The following ITPRID1 variants were observed in gnomAD, a reference collection of about 807,000 sequenced individuals.
ITPRID1 encodes protein ITPRID1.
ITPRID1 carries 96 observed loss-of-function variants against 95.4 expected under a neutral mutation model. The ratio of observed to expected loss-of-function variants is 1.01; its 90% CI spans 0.85 to 1.19. The LOEUF (loss-of-function observed/expected upper bound fraction) is 1.19. Ranked by LOEUF, ITPRID1 falls within the 50% of genes most tolerant of loss-of-function variation. The probability of loss-of-function intolerance (pLI) is 0.00; values close to 1 mark genes in which losing one functional copy is unlikely to be tolerated. For missense variants in ITPRID1, 1,339 were observed against 1,252.9 expected, an observed-to-expected ratio of 1.07 and a Z score of -1.04; for synonymous variants, 510 against 453.6, an observed-to-expected ratio of 1.12 and a Z score of -1.58.
intron 1 of ITPRID1, among the ~76,000 whole-genome samples, chr7:31,530,901 G>T (rs1783576338): frequency 6.6e-6 from 1 of 152,164 alleles, no homozygotes; most frequent in Admixed American, 6.5e-5. Flanking sequence ...ATATCTTCTG[G>T]TTCAGACACC....
At chr7:31,570,407 A>G (rs913751667) in intron 6 of ITPRID1, among the ~76,000 whole-genome samples, 15 of 152,160 alleles carry the variant, frequency 9.9e-5, no homozygotes, top group African/African-American at 3.6e-4. Flanking sequence ...TTTTTCAGCC[A>G]CACTCTTTTA....
intron 1 of ITPRID1, among the ~76,000 whole-genome samples, chr7:31,536,992 G>A (rs978700640): frequency 3.3e-5 from 5 of 152,008 alleles, no homozygotes; most frequent in Non-Finnish European, 7.4e-5. Context: ...AGCAGATTTT[G>A]CATGCCTGAG....
At chr7:31,647,826 T>C (rs1178933221) in intron 12 of ITPRID1, among the ~76,000 whole-genome samples, 1 of 152,054 alleles carries the variant, frequency 6.6e-6, no homozygotes, top group Admixed American at 6.6e-5. Context: ...CCCCCTAATA[T>C]AGCAATATAT....
At chr7:31,613,719 C>T (rs937277327) in intron 10 of ITPRID1, among the ~76,000 whole-genome samples, 4 of 152,136 alleles carry the variant, frequency 2.6e-5, no homozygotes, top group African/African-American at 7.2e-5. Context: ...CCAGTGGCTA[C>T]GTCTATATTT....
intron 10 of ITPRID1, among the ~76,000 whole-genome samples, chr7:31,613,620 CAGAA>C (rs1786982004): frequency 6.6e-6 from 1 of 152,136 alleles, no homozygotes; most frequent in Non-Finnish European, 1.5e-5. Flanking sequence ...GAAGACAAAT[CAGAA>C]AGAAAGACAT....
At chr7:31,610,975 A>G (rs1786841532) in intron 10 of ITPRID1, among the ~76,000 whole-genome samples, 1 of 151,608 alleles carries the variant, frequency 6.6e-6, no homozygotes, top group Non-Finnish European at 1.5e-5. Flanking sequence ...TTGATAAGGT[A>G]GGATTTATGT....
intron 10 of ITPRID1, among the ~76,000 whole-genome samples, chr7:31,634,126 T>C (rs1246653276): frequency 6.6e-6 from 1 of 152,194 alleles, no homozygotes; most frequent in Non-Finnish European, 1.5e-5. Flanking sequence ...TCCCACAAAG[T>C]GCCTGAGGCG....
chr7:31,624,893 C>T (rs1173074424), intron 10 of ITPRID1, among the ~76,000 whole-genome samples: 3 of 152,100 alleles, frequency 2.0e-5, no homozygotes, highest in Non-Finnish European at 4.4e-5. Flanking sequence ...GGCTAATATC[C>T]AGAATCTACA....
intron 10 of ITPRID1, among the ~76,000 whole-genome samples, chr7:31,620,403 G>A (rs1223373564): frequency 2.6e-5 from 4 of 151,586 alleles, no homozygotes; most frequent in African/African-American, 9.7e-5. Context: ...GTACTCCTCT[G>A]AGACAAAACT....
At chr7:31,605,480 T>A (rs1043643127) in intron 10 of ITPRID1, among the ~76,000 whole-genome samples, 4 of 152,186 alleles carry the variant, frequency 2.6e-5, no homozygotes, top group Non-Finnish European at 5.9e-5. Flanking sequence ...AAATTAAAGA[T>A]CAATGGTTTG....
At chr7:31,543,421 T>C (rs1357614331) in intron 1 of ITPRID1, among the ~76,000 whole-genome samples, 3 of 152,086 alleles carry the variant, frequency 2.0e-5, no homozygotes, top group Non-Finnish European at 4.4e-5. Context: ...TTGAATATAC[T>C]CATAGCTTGC....
At position 31,653,921 on chromosome 7, in the gene ITPRID1, G is replaced by A. The variant is rs1183057949; in HGVS notation, c.*1092G>A. On this transcript the variant is annotated 3_prime_UTR_variant, in exon 15 of 15. Transcript: ENST00000615280. ...ATCCAGGCCTCAGAGGTACCAGACTGTCCAGTCAGGCAGCCAGTGGGAGTA... is the reference window on the plus strand; with the variant it reads ...ATCCAGGCCTCAGAGGTACCAGACTATCCAGTCAGGCAGCCAGTGGGAGTA... 6.6e-6 allele frequency among the ~76,000 whole-genome samples: 1 copy of A among 152,174 alleles called. No homozygotes were observed. The highest frequency in any genetic ancestry group is 6.5e-5 in the Admixed American group (1 of 15,280).
At chr7:31,621,243 G>C (rs1300443401) in intron 10 of ITPRID1, among the ~76,000 whole-genome samples, 1 of 151,586 alleles carries the variant, frequency 6.6e-6, no homozygotes, top group Admixed American at 6.6e-5. Context: ...TTCAGATTCA[G>C]GAAATGCAGA....
chr7:31,639,265 C>T (rs1286750751), intron 10 of ITPRID1, among the ~76,000 whole-genome samples: 7 of 152,072 alleles, frequency 4.6e-5, no homozygotes, highest in Non-Finnish European at 8.8e-5. Flanking sequence ...GATGCATTTT[C>T]GTTTTAAAAA....
chr7:31,622,685 A>G (rs1331092034), intron 10 of ITPRID1, among the ~76,000 whole-genome samples: 2 of 152,284 alleles, frequency 1.3e-5, no homozygotes, highest in Admixed American at 1.3e-4. Flanking sequence ...CCCTAACATC[A>G]CAATTAAAAG....
chr7:31,517,152 T>C (rs1176142775), intron 1 of ITPRID1, among the ~76,000 whole-genome samples: 1 of 152,192 alleles, frequency 6.6e-6, no homozygotes, highest in Non-Finnish European at 1.5e-5. Flanking sequence ...TCGGGTGGCC[T>C]GCTTTTATTC....
chr7:31,516,755 T>G (rs758809687), intron 1 of ITPRID1, among the ~76,000 whole-genome samples: 129 of 152,340 alleles, frequency 8.5e-4, no homozygotes, highest in Non-Finnish European at 1.3e-3. Context: ...GACTTCTCTG[T>G]GACAAGATGT....
intron 10 of ITPRID1, among the ~76,000 whole-genome samples, chr7:31,591,724 C>T (rs1785872763): frequency 6.6e-6 from 1 of 152,090 alleles, no homozygotes; most frequent in Admixed American, 6.6e-5. Context: ...TCTTAGGATC[C>T]CATATGGAAA....
At chr7:31,565,422 A>G (rs1784764321) in intron 5 of ITPRID1, among the ~76,000 whole-genome samples, 1 of 152,152 alleles carries the variant, frequency 6.6e-6, no homozygotes, top group African/African-American at 2.4e-5. Flanking sequence ...CACTTGTATC[A>G]TTTGAAACAA....
Sources: gnomAD v4.1 joint callset for allele counts (sites outside exome capture counted in the v4.1 genomes callset) on GRCh38, gnomAD v4.1.1 for gene constraint, MANE v1.5 for transcripts, NCBI Gene and HGNC (gene_info 2026-07-23, HGNC 2026-07-21) for gene names.